The following FBXL17 variants were observed in gnomAD, a reference collection of about 807,000 sequenced individuals.
FBXL17 encodes the protein F-box and leucine rich repeat protein 17, also known as F-box/LRR-repeat protein 17.
A neutral mutation model predicts 66.2 loss-of-function variants in FBXL17; 22 were observed. That is an observed-to-expected ratio of 0.33 (90% CI 0.24 to 0.47). The LOEUF is 0.47. Among genes scored for constraint, FBXL17 ranks in the 20% least tolerant of loss-of-function variants. The pLI is 1.00. For synonymous variants in FBXL17, 474 were observed against 400.5 expected (o/e 1.18, Z -2.19); for missense variants, 878 against 948.2 (o/e 0.93, Z 0.97).
intron 8 of FBXL17, among the ~76,000 whole-genome samples, chr5:107,869,523 C>T (rs936449731): frequency 1.3e-4 from 20 of 152,028 alleles, no homozygotes; most frequent in Non-Finnish European, 2.9e-5. Flanking sequence ...AAATAGGACA[C>T]TAAGAAAAGA....
intron 7 of FBXL17, among the ~76,000 whole-genome samples, chr5:107,913,756 T>G (rs1750034282): frequency 6.6e-6 from 1 of 152,152 alleles, no homozygotes; most frequent in African/African-American, 2.4e-5. Context: ...AGAGATGCTA[T>G]CTGCTCAGGG....
At position 108,001,156 on chromosome 5, in the gene FBXL17, G is replaced by A. The variant is rs572345220; in HGVS notation, c.1822+19769C>T. ...ATTATCTTCACATGTGGTAGTACACGTTGCTAGCCGTGTAATTTATATATA... is the reference window on the plus strand; with the variant it reads ...ATTATCTTCACATGTGGTAGTACACATTGCTAGCCGTGTAATTTATATATA... On this transcript the variant is annotated intron_variant, in intron 7 of 8. Coordinates refer to ENST00000542267, the MANE Select transcript of FBXL17 (RefSeq NM_001163315.3). 6.6e-5 allele frequency among the ~76,000 whole-genome samples: 10 copies of A among 152,216 alleles called. No individual in the cohort carries two copies. The South Asian group carries it at 1.4e-3, about 22-fold the overall frequency.
At chr5:108,326,606 G>C (rs891003110) in intron 4 of FBXL17, among the ~76,000 whole-genome samples, 6 of 151,662 alleles carry the variant, frequency 4.0e-5, no homozygotes, top group Non-Finnish European at 8.8e-5. Context: ...GCAAGACTCT[G>C]TCTCCAAAAA....
At chr5:108,187,999 T>C (rs1250639632) in intron 5 of FBXL17, among the ~76,000 whole-genome samples, 2 of 152,248 alleles carry the variant, frequency 1.3e-5, no homozygotes, top group African/African-American at 4.8e-5. Flanking sequence ...ACCTAAAATG[T>C]GACCAGTGTG....
chr5:108,040,115 C>T (rs957314547), intron 6 of FBXL17, among the ~76,000 whole-genome samples: 7 of 152,074 alleles, frequency 4.6e-5, no homozygotes, highest in South Asian at 2.1e-4. Context: ...AATCAGAAAG[C>T]GCCTTTTCAA....
intron 7 of FBXL17, among the ~76,000 whole-genome samples, chr5:107,920,361 T>C (rs1750272150): frequency 6.6e-6 from 1 of 152,162 alleles, no homozygotes; most frequent in Admixed American, 6.5e-5. Context: ...TCTGCCACCA[T>C]GCCTGACTAA....
chr5:108,183,708 C>G (rs1265690816), intron 6 of FBXL17, among the ~76,000 whole-genome samples: 1 of 152,080 alleles, frequency 6.6e-6, no homozygotes, highest in East Asian at 1.9e-4. Context: ...GTTTTTATCC[C>G]TCGCCCCCTC....
chr5:108,378,132 T>G (rs982384203), intron 1 of FBXL17, among the ~76,000 whole-genome samples: 10 of 152,110 alleles, frequency 6.6e-5, no homozygotes, highest in Non-Finnish European at 1.5e-4. Flanking sequence ...CAGGTAATAT[T>G]AACCTATATA....
intron 5 of FBXL17, among the ~76,000 whole-genome samples, chr5:108,216,666 GC>G (rs1359856020): frequency 6.6e-6 from 1 of 152,070 alleles, no homozygotes; most frequent in Non-Finnish European, 1.5e-5. Flanking sequence ...GAGTTAGTTA[GC>G]TTGCCTTAGG....
chr5:108,318,112 T>C (rs956408893), intron 4 of FBXL17, among the ~76,000 whole-genome samples: 16 of 151,746 alleles, frequency 1.1e-4, no homozygotes, highest in Admixed American at 5.3e-4. Flanking sequence ...ATCAACATTA[T>C]GTTTCCTAAT....
intron 4 of FBXL17, among the ~76,000 whole-genome samples, chr5:108,258,968 C>G (rs1214748685): frequency 6.6e-6 from 1 of 151,978 alleles, no homozygotes; most frequent in Non-Finnish European, 1.5e-5. Flanking sequence ...ATCCAGGGCC[C>G]TCATATTTCC....
chr5:108,272,171 G>A (rs1757300456), intron 4 of FBXL17, among the ~76,000 whole-genome samples: 1 of 151,916 alleles, frequency 6.6e-6, no homozygotes, highest in Non-Finnish European at 1.5e-5. Context: ...GGCACTTGTA[G>A]TCCCAGCTAC....
At chr5:108,380,126 A>T (rs2112665062) in intron 1 of FBXL17, among the ~76,000 whole-genome samples, 1 of 152,292 alleles carries the variant, frequency 6.6e-6, no homozygotes, top group Middle Eastern at 3.4e-3. Context: ...CACTACTATA[A>T]ACCGTGGCCC....
chr5:108,163,482 G>A (rs1291050276), intron 6 of FBXL17, among the ~76,000 whole-genome samples: 1 of 145,408 alleles, frequency 6.9e-6, no homozygotes, highest in African/African-American at 2.6e-5. Flanking sequence ...CTCACTGCAA[G>A]CTCCGCCTCC....
At chr5:108,260,297 A>G (rs894454749) in intron 4 of FBXL17, among the ~76,000 whole-genome samples, 24 of 152,220 alleles carry the variant, frequency 1.6e-4, no homozygotes, top group African/African-American at 5.1e-4. Context: ...GGGTGATCAG[A>G]GTGATTGGGA....
chr5:108,234,604 A>G (rs1017600259), intron 4 of FBXL17, among the ~76,000 whole-genome samples: 1 of 152,206 alleles, frequency 6.6e-6, no homozygotes, highest in African/African-American at 2.4e-5. Flanking sequence ...ATCAAGGCAC[A>G]ATGGGTCTAC....
chr5:108,070,280 C>T (rs1037279914), intron 6 of FBXL17, among the ~76,000 whole-genome samples: 1 of 152,190 alleles, frequency 6.6e-6, no homozygotes, highest in African/African-American at 2.4e-5. Context: ...CATTAATCTA[C>T]ACAAAGTGTG....
chr5:108,020,030 C>A (rs1754528570), intron 7 of FBXL17, among the ~76,000 whole-genome samples: 1 of 151,854 alleles, frequency 6.6e-6, no homozygotes, highest in African/African-American at 2.4e-5. Context: ...ACAACTCTCC[C>A]ATCCATGGTA....
chr5:108,026,656 C>A (rs1754838515), intron 6 of FBXL17, among the ~76,000 whole-genome samples: 1 of 152,166 alleles, frequency 6.6e-6, no homozygotes. Context: ...CACCAGTTAA[C>A]AACAATTATC....
Sources: gnomAD v4.1 joint callset for allele counts (sites outside exome capture counted in the v4.1 genomes callset) on GRCh38, gnomAD v4.1.1 for gene constraint, MANE v1.5 for transcripts, NCBI Gene and HGNC (gene_info 2026-07-23, HGNC 2026-07-21) for gene names.